Variants in SRGAP1 observed in about 807,000 individuals in gnomAD.
The protein encoded by SRGAP1 is SLIT-ROBO Rho GTPase activating protein 1.
A neutral mutation model predicts 121.9 loss-of-function variants in SRGAP1; 43 were observed. The observed-to-expected ratio is 0.35, with a 90% CI of 0.28 to 0.46. The LOEUF is 0.46. SRGAP1 is among the 20% of genes least tolerant of loss of function. The pLI, the probability that SRGAP1 is intolerant of heterozygous loss-of-function variation, is 1.00. For missense variants in SRGAP1, 1,102 were observed against 1,350.9 expected (o/e 0.82, Z 2.89); for synonymous variants, 447 against 485.4 (o/e 0.92, Z 1.04).
At chr12:63,909,202 T>A (rs1211888826) in intron 1 of SRGAP1, among the ~76,000 whole-genome samples, 1 of 152,216 alleles carries the variant, frequency 6.6e-6, no homozygotes, top group Non-Finnish European at 1.5e-5. Flanking sequence ...ATAAGAATCT[T>A]AATGTAATTC....
intron 8 of SRGAP1, among the ~76,000 whole-genome samples, chr12:64,074,962 A>C (rs1415087002): frequency 6.6e-6 from 1 of 152,182 alleles, no homozygotes; most frequent in Non-Finnish European, 1.5e-5. Flanking sequence ...AAGGCTCTTC[A>C]TATATCCTGA....
intron 6 of SRGAP1, among the ~76,000 whole-genome samples, chr12:64,059,926 G>GT (rs1217392702): frequency 6.6e-6 from 1 of 151,906 alleles, no homozygotes; most frequent in Non-Finnish European, 1.5e-5. Flanking sequence ...GCTACTTTCT[G>GT]TTTTTTTAAA....
At chr12:64,095,595 G>A (rs775435446) in intron 14 of SRGAP1, among the ~76,000 whole-genome samples, 1 of 151,956 alleles carries the variant, frequency 6.6e-6, no homozygotes, top group Non-Finnish European at 1.5e-5. Flanking sequence ...TTCTTCTCAC[G>A]GTCCACAGAC....
chr12:63,899,190 A>G (rs1900848586), intron 1 of SRGAP1, among the ~76,000 whole-genome samples: 1 of 152,092 alleles, frequency 6.6e-6, no homozygotes, highest in African/African-American at 2.4e-5. Context: ...GAAACCAGCC[A>G]GGGCAACATA....
At chr12:64,085,008 C>T (rs1229098893) in intron 10 of SRGAP1, among the ~76,000 whole-genome samples, 1 of 152,062 alleles carries the variant, frequency 6.6e-6, no homozygotes, top group Admixed American at 6.6e-5. Flanking sequence ...CTTCTAGGAT[C>T]TTTCAAAGTA....
At chr12:64,061,517 C>A (rs544025509) in intron 6 of SRGAP1, among the ~76,000 whole-genome samples, 1 of 152,146 alleles carries the variant, frequency 6.6e-6, no homozygotes, top group East Asian at 1.9e-4. Flanking sequence ...TTGATTTTGC[C>A]TCTTTTATGT....
At chr12:63,886,083 C>T (rs1457800464) in intron 1 of SRGAP1, among the ~76,000 whole-genome samples, 2 of 152,080 alleles carry the variant, frequency 1.3e-5, no homozygotes, top group Admixed American at 6.6e-5. Flanking sequence ...CCTTTGGAGA[C>T]CGAGTCTCAC....
chr12:63,948,825 C>CAT (rs56959320), intron 1 of SRGAP1, among the ~76,000 whole-genome samples: 221 of 110,824 alleles, frequency 2.0e-3, no homozygotes, highest in Non-Finnish European at 2.9e-3. Flanking sequence ...ATATGTTTTC[C>CAT]ATATATATAT....
chr12:64,026,731 T>G (rs2034660488), intron 4 of SRGAP1, among the ~76,000 whole-genome samples: 1 of 151,422 alleles, frequency 6.6e-6, no homozygotes, highest in African/African-American at 2.4e-5. Flanking sequence ...CCACGCATGG[T>G]GATGCGCGCC....
intron 6 of SRGAP1, among the ~76,000 whole-genome samples, chr12:64,060,623 T>G (rs1419663154): frequency 1.3e-5 from 2 of 152,148 alleles, no homozygotes; most frequent in African/African-American, 4.8e-5. Context: ...ATTTAATAAT[T>G]CTGAAATTGG....
chr12:64,100,693 C>T (rs974437520), intron 15 of SRGAP1, among the ~76,000 whole-genome samples: 1 of 152,152 alleles, frequency 6.6e-6, no homozygotes, highest in Non-Finnish European at 1.5e-5. Flanking sequence ...TACATATTGA[C>T]ACTAACAACC....
chr12:64,053,305 A>C (rs540657917), intron 6 of SRGAP1, among the ~76,000 whole-genome samples: 4 of 152,226 alleles, frequency 2.6e-5, no homozygotes, highest in Non-Finnish European at 4.4e-5. Context: ...ATAAGTAAGC[A>C]AACGGGTGTG....
At chr12:63,880,407 T>C (rs374216072) in intron 1 of SRGAP1, among the ~76,000 whole-genome samples, 1 of 152,134 alleles carries the variant, frequency 6.6e-6, no homozygotes, top group Admixed American at 6.5e-5. Flanking sequence ...AATTTTTGTA[T>C]TTTTAGTAAA....
chr12:64,036,695 A>G (rs1310754612), intron 4 of SRGAP1, among the ~76,000 whole-genome samples: 1 of 152,212 alleles, frequency 6.6e-6, no homozygotes, highest in East Asian at 1.9e-4. Flanking sequence ...GTCCAATCCC[A>G]GGTATTTATT....
At chr12:63,931,144 A>T (rs2031462367) in intron 1 of SRGAP1, among the ~76,000 whole-genome samples, 1 of 152,146 alleles carries the variant, frequency 6.6e-6, no homozygotes. Context: ...TTATTTTTGT[A>T]GTTTTGGCCA....
intron 1 of SRGAP1, among the ~76,000 whole-genome samples, chr12:63,902,884 G>T (rs1157369374): frequency 6.6e-6 from 1 of 152,016 alleles, no homozygotes; most frequent in African/African-American, 2.4e-5. Flanking sequence ...TTTTCATTTG[G>T]TCATTCCATC....
At chr12:63,944,536 A>G (rs547457119) in intron 1 of SRGAP1, among the ~76,000 whole-genome samples, 1 of 152,234 alleles carries the variant, frequency 6.6e-6, no homozygotes, top group Admixed American at 6.5e-5. Flanking sequence ...TTGGAGGGGG[A>G]CACACATTCA....
chr12:63,982,066 A>T (rs541447659), intron 1 of SRGAP1, among the ~76,000 whole-genome samples: 41 of 152,084 alleles, frequency 2.7e-4, no homozygotes, highest in Non-Finnish European at 5.1e-4. Flanking sequence ...ATAAAAAATT[A>T]GCCAGGCATG....
intron 8 of SRGAP1, 140 bp from the exon 9 acceptor site, chr12:64,078,779 C>T (rs2035784599): frequency 3.9e-6 from 3 of 767,488 alleles, no homozygotes; most frequent in Non-Finnish European, 6.2e-6. Context: ...TGTTTTTTAC[C>T]TTTGTTTCTC....
Sources: gnomAD v4.1 joint callset for allele counts (sites outside exome capture counted in the v4.1 genomes callset) on GRCh38, gnomAD v4.1.1 for gene constraint, MANE v1.5 for transcripts, NCBI Gene and HGNC (gene_info 2026-07-23, HGNC 2026-07-21) for gene names.